Variants in MGST2 observed in about 807,000 individuals in gnomAD.
The protein encoded by MGST2 is microsomal glutathione S-transferase 2.
MGST2 carries 9 observed loss-of-function variants against 16.6 expected under a neutral mutation model. The ratio of observed to expected loss-of-function variants is 0.54; its 90% CI spans 0.33 to 0.95. The LOEUF is 0.95. Ranked by LOEUF, MGST2 falls within the 40% of genes least tolerant of loss-of-function variation. MGST2 has a pLI of 0.03. For missense variants in MGST2, 159 were observed against 175.1 expected, an observed-to-expected ratio of 0.91 and a Z score of 0.52; for synonymous variants, 79 against 68.0, an observed-to-expected ratio of 1.16 and a Z score of -0.79.
downstream of MGST2, among the ~76,000 whole-genome samples, chr4:139,745,220 G>T (rs574669637): frequency 2.5e-4 from 38 of 152,298 alleles, 1 homozygote; most frequent in South Asian, 7.1e-3. Flanking sequence ...TGAGAGGAAA[G>T]CTTCACAGGG....
At chr4:139,714,597 G>A (rs567941107) in intron 5 of MGST2, among the ~76,000 whole-genome samples, 4 of 152,198 alleles carry the variant, frequency 2.6e-5, no homozygotes, top group Non-Finnish European at 5.9e-5. Flanking sequence ...TATCAAACTG[G>A]CAAGGCTTAA....
downstream of MGST2, among the ~76,000 whole-genome samples, chr4:139,742,184 T>C (rs780791458): frequency 2.1e-4 from 32 of 150,660 alleles, no homozygotes; most frequent in Non-Finnish European, 4.3e-4. Context: ...AGTCTCGCTC[T>C]GTCAGCCAGG....
chr4:139,667,419 T>G (rs1336492739), intron 1 of MGST2, among the ~76,000 whole-genome samples: 1 of 145,650 alleles, frequency 6.9e-6, no homozygotes, highest in African/African-American at 2.5e-5. Flanking sequence ...ACAGAGGTGC[T>G]CATCCTCCCT....
At chr4:139,666,371 G>C (rs1386182427) in intron 1 of MGST2, among the ~76,000 whole-genome samples, 1 of 152,088 alleles carries the variant, frequency 6.6e-6, no homozygotes, top group African/African-American at 2.4e-5. Context: ...CTGTGATTAC[G>C]ACCCACAGCC....
chr4:139,670,742 G>A (rs535698730), intron 1 of MGST2, among the ~76,000 whole-genome samples: 20 of 152,002 alleles, frequency 1.3e-4, no homozygotes, highest in African/African-American at 3.4e-4. Context: ...ATGAAATGCT[G>A]TCTCTATTAA....
At chr4:139,732,595 CAGAT>C (rs1444444094) in intron 5 of MGST2, among the ~76,000 whole-genome samples, 4 of 147,616 alleles carry the variant, frequency 2.7e-5, no homozygotes, top group East Asian at 2.0e-4. Flanking sequence ...TTTTTTGTAA[CAGAT>C]AGCTTGTCTT....
At chr4:139,741,220 T>A (rs142880117), downstream of MGST2, among the ~76,000 whole-genome samples, 10 of 152,256 alleles carry the variant, frequency 6.6e-5, no homozygotes, top group African/African-American at 2.4e-4. Flanking sequence ...CTTCTCCTTA[T>A]GTAAAGATTG....
intron 5 of MGST2, chr4:139,719,073 CCGGGTG>C: frequency 4.2e-6 from 2 of 472,446 alleles, no homozygotes; most frequent in Non-Finnish European, 7.4e-6. Flanking sequence ...ACCTGCTCCT[CCGGGTG>C]TCTCCCTCTC....
At chr4:139,692,115 C>T (rs1207733681) in intron 2 of MGST2, among the ~76,000 whole-genome samples, 6 of 152,182 alleles carry the variant, frequency 3.9e-5, no homozygotes, top group Non-Finnish European at 8.8e-5. Context: ...ACAATGAGCA[C>T]AGCTGGGACG....
rs1579312879 is a variant in MGST2, at chr4:139,690,219, T to A, written c.159-4978T>A. On this transcript the variant is annotated intron_variant, in intron 2 of 4. Coordinates refer to ENST00000265498, the MANE Select transcript of MGST2 (RefSeq NM_002413.5). ...ATTGTCCAGGCTGGTCTTGAACTCC[T>A]GACCTCAAGTGATCCACCTGCCTCG... Among the ~76,000 whole-genome samples, 4 of 152,334 alleles carry A rather than the reference T, an allele frequency of 2.6e-5. No homozygotes were observed. The East Asian group carries it at 7.7e-4, about 29-fold the overall frequency.
intron 2 of MGST2, among the ~76,000 whole-genome samples, chr4:139,680,709 C>T (rs1731197784): frequency 6.6e-6 from 1 of 152,186 alleles, no homozygotes; most frequent in Non-Finnish European, 1.5e-5. Context: ...TCTGAAAATG[C>T]ACCTTTATCT....
chr4:139,667,581 C>T (rs562704441), intron 1 of MGST2, among the ~76,000 whole-genome samples: 4 of 152,164 alleles, frequency 2.6e-5, no homozygotes, highest in East Asian at 1.9e-4. Context: ...GTGTTAGGGC[C>T]GGGCACGGTG....
chr4:139,684,000 A>G lies in MGST2; in HGVS notation c.158+5358A>G, dbSNP rs1481055186. On this transcript the variant is annotated intron_variant, in intron 2 of 4. Transcript: ENST00000265498. ...AGTGCAGTGGCCACAATCTTGGCTC[A>G]CTGCAACCTCCGCCTCCCAGGTTCA... Among the ~76,000 whole-genome samples the G allele has an allele frequency of 2.2e-5, 3 of 138,646 alleles. No individual in the cohort carries two copies. In the Admixed American group the frequency reaches 2.5e-4, roughly 12 times the overall value. The allele number at this position is 138,646 out of a possible 152,430, so 91.0% of individuals were successfully genotyped here. A position where few individuals can be genotyped will look rare whatever the true frequency, so the allele number is the denominator to read the frequency against.
chr4:139,689,730 T>C (rs1370210099), intron 2 of MGST2, among the ~76,000 whole-genome samples: 1 of 152,250 alleles, frequency 6.6e-6, no homozygotes, highest in East Asian at 1.9e-4. Flanking sequence ...AAAGATCTAC[T>C]GTGAACCTGG....
At chr4:139,709,026 A>G (rs539738321), downstream of MGST2, among the ~76,000 whole-genome samples, 1 of 150,960 alleles carries the variant, frequency 6.6e-6, no homozygotes, top group Non-Finnish European at 1.5e-5. Context: ...GAAAAAGAAA[A>G]AGAAAAAAAC....
chr4:139,688,561 T>A (rs1042191961), intron 2 of MGST2, among the ~76,000 whole-genome samples: 29 of 152,176 alleles, frequency 1.9e-4, no homozygotes, highest in African/African-American at 6.5e-4. Flanking sequence ...CATTTTGAAT[T>A]CTGATTCTGA....
At chr4:139,676,990 A>G (rs1316430549) in intron 1 of MGST2, among the ~76,000 whole-genome samples, 1 of 152,026 alleles carries the variant, frequency 6.6e-6, no homozygotes, top group African/African-American at 2.4e-5. Flanking sequence ...CTTACCATCT[A>G]TTTTCTCTAA....
chr4:139,685,534 A>G (rs1046361156), intron 2 of MGST2: 2 of 152,202 alleles, frequency 1.3e-5, no homozygotes, highest in Non-Finnish European at 2.9e-5. Context: ...GTGAGAAGAA[A>G]TGAGCATGGG....
At chr4:139,721,822 A>G (rs1342990673) in intron 5 of MGST2, among the ~76,000 whole-genome samples, 1 of 152,202 alleles carries the variant, frequency 6.6e-6, no homozygotes, top group Non-Finnish European at 1.5e-5. Context: ...GAAAGTTCCT[A>G]GTAAAACACT....
Sources: gnomAD v4.1 joint callset for allele counts (sites outside exome capture counted in the v4.1 genomes callset) on GRCh38, gnomAD v4.1.1 for gene constraint, MANE v1.5 for transcripts, NCBI Gene and HGNC (gene_info 2026-07-23, HGNC 2026-07-21) for gene names.